The following AGO3 variants were observed in gnomAD, a reference collection of about 807,000 sequenced individuals.
AGO3 encodes the protein argonaute RISC catalytic component 3, also known as protein argonaute-3.
A neutral mutation model predicts 105.5 loss-of-function variants in AGO3; 16 were observed. That is an observed-to-expected ratio of 0.15 (90% CI 0.10 to 0.23). The LOEUF is 0.23. Ranked by LOEUF, AGO3 falls within the 10% of genes least tolerant of loss-of-function variation. The pLI is 1.00. For missense variants in AGO3, 534 were observed against 1,088.0 expected, an observed-to-expected ratio of 0.49 and a Z score of 7.16; for synonymous variants, 340 against 367.3, an observed-to-expected ratio of 0.93 and a Z score of 0.85.
At chr1:35,971,983 C>A (rs751066501) in intron 3 of AGO3, 41 bp from the exon 4 acceptor site, 1 of 1,547,308 alleles carries the variant, frequency 6.5e-7, no homozygotes, top group East Asian at 2.3e-5. Flanking sequence ...TTGTATTTAT[C>A]TTTTTCAACA....
At chr1:36,052,230 C>T (rs746038378) in intron 17 of AGO3, among the ~76,000 whole-genome samples, 2 of 151,784 alleles carry the variant, frequency 1.3e-5, no homozygotes, top group African/African-American at 2.4e-5. Context: ...TATTTAGCCA[C>T]AAAAAAAGAA....
At chr1:36,050,106 A>G (rs1642643249) in intron 17 of AGO3, among the ~76,000 whole-genome samples, 1 of 152,248 alleles carries the variant, frequency 6.6e-6, no homozygotes, top group Non-Finnish European at 1.5e-5. Flanking sequence ...CAGCAGCTGC[A>G]GAATATACAT....
chr1:36,068,812 G>C lies in AGO3; in HGVS notation c.*13067G>C, dbSNP rs933620807. ...ATGTGCAAAATATTGTGTAAAAATA[G>C]TTTAAAACTCATCCCAGTTCCTAGT... On this transcript the variant is annotated 3_prime_UTR_variant, in exon 19 of 19. Coordinates refer to ENST00000373191, the MANE Select transcript of AGO3 (RefSeq NM_024852.4). 6.6e-6 allele frequency: 1 copy of C among 152,174 alleles called. No homozygotes were observed. Among genetic ancestry groups the C allele is most frequent in the African/African-American group, 2.4e-5 (1 of 41,440 alleles). 9.4% of individuals were successfully genotyped at this position (152,174 alleles called of 1,614,324 possible). A position where few individuals can be genotyped will look rare whatever the true frequency, so the allele number is the denominator to read the frequency against.
chr1:35,970,644 G>A (rs1319557714), intron 3 of AGO3, among the ~76,000 whole-genome samples: 1 of 151,398 alleles, frequency 6.6e-6, no homozygotes, highest in African/African-American at 2.4e-5. Context: ...TTTTCAATGT[G>A]GTTATGTTAT....
At chr1:36,002,487 G>A (rs571195462) in intron 5 of AGO3, among the ~76,000 whole-genome samples, 64 of 150,830 alleles carry the variant, frequency 4.2e-4, no homozygotes, top group African/African-American at 1.4e-3. Context: ...ATGCCACCAC[G>A]CCTGGCTAAT....
intron 17 of AGO3, among the ~76,000 whole-genome samples, chr1:36,051,177 C>T (rs1408929324): frequency 6.6e-6 from 1 of 152,190 alleles, no homozygotes; most frequent in African/African-American, 2.4e-5. Context: ...TCAAATGATC[C>T]GCCTGCCTCG....
At chr1:36,017,542 A>G (rs1640967772) in intron 11 of AGO3, among the ~76,000 whole-genome samples, 1 of 152,210 alleles carries the variant, frequency 6.6e-6, no homozygotes, top group African/African-American at 2.4e-5. Flanking sequence ...TAAAGAGCCT[A>G]TAAATTTCTA....
chr1:35,995,193 A>C (rs1356361162), intron 5 of AGO3, among the ~76,000 whole-genome samples: 1 of 124,732 alleles, frequency 8.0e-6, no homozygotes, highest in African/African-American at 3.6e-5. Context: ...AGAGCAAGAC[A>C]CTGTCTAAAA....
chr1:35,958,642 G>C (rs1646619276), intron 2 of AGO3, among the ~76,000 whole-genome samples: 2 of 146,490 alleles, frequency 1.4e-5, no homozygotes, highest in South Asian at 4.2e-4. Context: ...ATCAGAGCCA[G>C]ACCTTGTCTC....
In AGO3 at chr1:35,997,998, C is replaced by A. The variant is rs561852621; in HGVS notation, c.659-6343C>A. 3.6e-4 allele frequency among the ~76,000 whole-genome samples: 55 copies of A among 152,226 alleles called. No individual in the cohort carries two copies. The South Asian group carries it at 0.011, about 29-fold the overall frequency. Reference sequence around the variant, plus strand: ...ATTTGTTTGTCAATTATAAATAAATCTAATAAAAGATATATGAGTTTTAGA... The same window carrying A: ...ATTTGTTTGTCAATTATAAATAAATATAATAAAAGATATATGAGTTTTAGA... On this transcript the variant is annotated intron_variant, in intron 5 of 18. Transcript: ENST00000373191.
intron 1 of AGO3, 60 bp downstream of exon 1, chr1:35,931,505 C>A: frequency 7.5e-7 from 1 of 1,340,916 alleles, no homozygotes; most frequent in Non-Finnish European, 9.7e-7. Flanking sequence ...CTCTGAGCAT[C>A]CCTGCTCCTC....
chr1:35,976,959 G>C (rs907081867), intron 5 of AGO3, among the ~76,000 whole-genome samples: 1 of 151,958 alleles, frequency 6.6e-6, no homozygotes, highest in Non-Finnish European at 1.5e-5. Context: ...TGATTTCGTA[G>C]AATTCCCCTA....
intron 11 of AGO3, among the ~76,000 whole-genome samples, chr1:36,023,328 T>C (rs150611022): frequency 6.6e-5 from 10 of 152,292 alleles, no homozygotes; most frequent in South Asian, 4.1e-4. Context: ...CTTCTGGGGA[T>C]TGCTAGAGGT....
intron 2 of AGO3, among the ~76,000 whole-genome samples, chr1:35,962,559 A>G (rs1646697677): frequency 6.6e-6 from 1 of 151,258 alleles, no homozygotes; most frequent in South Asian, 2.1e-4. Flanking sequence ...AAAAAAAAAG[A>G]GAAAGAAAGA....
intron 17 of AGO3, among the ~76,000 whole-genome samples, chr1:36,053,745 A>ATT (rs71034711): frequency 0.04 from 3,261 of 81,172 alleles, 160 homozygotes; most frequent in African/African-American, 0.053. Flanking sequence ...CACCTGGCTA[A>ATT]TTTTTTTTTT....
At chr1:35,952,069 T>C (rs1646479156) in intron 2 of AGO3, among the ~76,000 whole-genome samples, 1 of 151,296 alleles carries the variant, frequency 6.6e-6, no homozygotes, top group Non-Finnish European at 1.5e-5. Context: ...TGCCAACCAC[T>C]AATCTACTTT....
At chr1:36,023,464 C>T (rs991012974) in intron 11 of AGO3, among the ~76,000 whole-genome samples, 1 of 152,170 alleles carries the variant, frequency 6.6e-6, no homozygotes, top group African/African-American at 2.4e-5. Flanking sequence ...AGAATAGGTT[C>T]AAAGAGACTC....
At chr1:35,947,097 A>G (rs1646380504) in intron 2 of AGO3, among the ~76,000 whole-genome samples, 1 of 151,676 alleles carries the variant, frequency 6.6e-6, no homozygotes, top group Non-Finnish European at 1.5e-5. Flanking sequence ...ACATACATAT[A>G]ATTTTATTTA....
At chr1:35,940,402 C>G (rs1191849028) in intron 1 of AGO3, among the ~76,000 whole-genome samples, 1 of 152,180 alleles carries the variant, frequency 6.6e-6, no homozygotes, top group Non-Finnish European at 1.5e-5. Flanking sequence ...CAAATAAGTT[C>G]TACACATTGT....
Sources: gnomAD v4.1 joint callset for allele counts (sites outside exome capture counted in the v4.1 genomes callset) on GRCh38, gnomAD v4.1.1 for gene constraint, MANE v1.5 for transcripts, NCBI Gene and HGNC (gene_info 2026-07-23, HGNC 2026-07-21) for gene names.